Variants in AGAP1 observed in about 807,000 individuals in gnomAD.
AGAP1 encodes arf-GAP with GTPase, ANK repeat and PH domain-containing protein 1.
In AGAP1, 29 loss-of-function variants were observed where a neutral mutation model predicts 105.3. The ratio of observed to expected loss-of-function variants is 0.28; its 90% confidence interval spans 0.21 to 0.38. The LOEUF (loss-of-function observed/expected upper bound fraction) is 0.38, where lower values mean the gene tolerates loss of function less well. Among genes scored for constraint, AGAP1 ranks in the 10% least tolerant of loss-of-function variants. The pLI is 1.00. For missense variants in AGAP1, 998 were observed against 1,165.1 expected (o/e 0.86, Z 2.09); for synonymous variants, 509 against 485.9 (o/e 1.05, Z -0.63).
chr2:236,009,735 C>T lies in AGAP1; in HGVS notation c.1646-26826C>T, dbSNP rs1181716155. On this transcript the variant is annotated intron_variant, in intron 13 of 17. Transcript: ENST00000304032. This position sits in a 1 kb window ranked among gnomAD's most constrained non-coding sequence, Gnocchi z 4.2. ...TCATAATTGATTCTGAGGGCTGCAG[C>T]GTGCCTCATTTAGCCGTCCCTGCTC... 2.0e-5 allele frequency among the ~76,000 whole-genome samples: 3 copies of T among 152,164 alleles called. No homozygotes were observed. Among genetic ancestry groups the T allele is most frequent in the East Asian group, 1.9e-4 (1 of 5,196 alleles).
chr2:236,031,281 T>C (rs1018019274), intron 13 of AGAP1, among the ~76,000 whole-genome samples: 4 of 152,122 alleles, frequency 2.6e-5, no homozygotes, highest in African/African-American at 9.7e-5. Context: ...AAAGGCCACA[T>C]GCAGAGGAAC....
chr2:235,542,220 G>GTC (rs145058571), intron 1 of AGAP1, among the ~76,000 whole-genome samples: 1 of 151,418 alleles, frequency 6.6e-6, no homozygotes, highest in African/African-American at 2.4e-5. Flanking sequence ...TGGGTCCCGG[G>GTC]GGGGGGCCAG....
In AGAP1 at chr2:235,612,686, T is replaced by C. The variant is rs6431390; in HGVS notation, c.164-96493T>C. ...AAATCCTGACCAGCGCATCCAGGGT[T>C]GCTTGGGCACAGTGGTCCTTTTGCA... On this transcript the variant is annotated intron_variant, in intron 1 of 17. Transcript: ENST00000304032. This position sits in a 1 kb window ranked among gnomAD's most constrained non-coding sequence, Gnocchi z 4.3. Among the ~76,000 whole-genome samples the C allele has an allele frequency of 0.89, 135,165 of 152,228 alleles. 60,455 individuals carry two copies. The highest frequency in any genetic ancestry group is 0.97 in the African/African-American group (40,376 of 41,552).
At chr2:235,688,091 G>A (rs909819172) in intron 1 of AGAP1, among the ~76,000 whole-genome samples, 2 of 151,846 alleles carry the variant, frequency 1.3e-5, no homozygotes, top group Non-Finnish European at 2.9e-5. Flanking sequence ...CAGTAGAGAC[G>A]GGGTTTCACC....
At chr2:235,695,279 C>G (rs765719886) in intron 1 of AGAP1, among the ~76,000 whole-genome samples, 3 of 152,170 alleles carry the variant, frequency 2.0e-5, no homozygotes, top group Non-Finnish European at 4.4e-5. Flanking sequence ...CTACTTCTTT[C>G]CATGAGTGCA....
intron 1 of AGAP1, among the ~76,000 whole-genome samples, chr2:235,687,896 TGAC>T (rs1331331236): frequency 8.6e-6 from 1 of 116,424 alleles, no homozygotes; most frequent in East Asian, 2.7e-4. Context: ...CGCCGCTCTC[TGAC>T]TTTTTTTTTT....
intron 1 of AGAP1, among the ~76,000 whole-genome samples, chr2:235,583,958 G>A (rs1403917439): frequency 1.3e-5 from 2 of 151,416 alleles, no homozygotes; most frequent in Admixed American, 6.6e-5. Flanking sequence ...CTCCTGCCTC[G>A]GCCCCCCAGA....
At chr2:235,530,911 C>T (rs768889417) in intron 1 of AGAP1, among the ~76,000 whole-genome samples, 24 of 152,182 alleles carry the variant, frequency 1.6e-4, no homozygotes, top group Non-Finnish European at 1.0e-4. Context: ...ACTCTTCCCT[C>T]ACTGTGGGAG....
intron 6 of AGAP1, among the ~76,000 whole-genome samples, chr2:235,785,706 C>T (rs1258570125): frequency 6.6e-6 from 1 of 152,090 alleles, no homozygotes; most frequent in East Asian, 1.9e-4. Flanking sequence ...ATCAGTCTGG[C>T]ACGCTATCAT....
At chr2:235,915,199 TATTC>T (rs2051814318) in intron 11 of AGAP1, among the ~76,000 whole-genome samples, 1 of 152,140 alleles carries the variant, frequency 6.6e-6, no homozygotes, top group Non-Finnish European at 1.5e-5. Flanking sequence ...CACATGCTCT[TATTC>T]ATAGATAATG....
Position 236,124,323 on chromosome 2 carries a change from C to T in AGAP1, c.*201C>T. 1.6e-6 allele frequency: 1 copy of T among 642,910 alleles called. No individual in the cohort carries two copies. Among genetic ancestry groups the T allele is most frequent in the Non-Finnish European group, 2.7e-6 (1 of 374,312 alleles). The allele number at this position is 642,910 out of a possible 1,614,324, so 39.8% of individuals were successfully genotyped here. A position where few individuals can be genotyped will look rare whatever the true frequency, so the allele number is the denominator to read the frequency against. ...AAGGGGCGAAGAGGCGGCCGGGAGA[C>T]TGCAGAAGTGGCTCCTTTTCATAAA... On this transcript the variant is annotated 3_prime_UTR_variant, in exon 18 of 18. Coordinates refer to ENST00000304032, the MANE Select transcript of AGAP1 (RefSeq NM_001037131.3). This position sits in a 1 kb window ranked among gnomAD's most constrained non-coding sequence, Gnocchi z 5.1.
At position 235,982,767 on chromosome 2, in the gene AGAP1, A is replaced by G. The variant is rs1243705839; in HGVS notation, c.1645+14144A>G. Among the ~76,000 whole-genome samples the G allele has an allele frequency of 2.0e-5, 3 of 152,238 alleles. No homozygotes were observed. Among genetic ancestry groups the G allele is most frequent in the South Asian group, 4.1e-4 (2 of 4,820 alleles). On this transcript the variant is annotated intron_variant, in intron 13 of 17. Transcript: ENST00000304032. The surrounding 1 kb of genome is among the most constrained non-coding windows in gnomAD (Gnocchi z 4.9). ...GTGGTTCCAGAATGTCATTGATGGG[A>G]AATTGGTTTTCTTTCCTTCTGGACA...
Position 236,040,717 on chromosome 2 carries a change from T to C in AGAP1, c.1801-34T>C, listed in dbSNP as rs1559217268. ...TGATGTGCGTTTCTCCCGGGGTGCT[T>C]ACGCCTTGTATTTGTGTCTTCCTCC... On this transcript the variant is annotated intron_variant, in intron 14 of 17. Transcript: ENST00000304032. The surrounding 1 kb of genome is among the most constrained non-coding windows in gnomAD (Gnocchi z 5.6). 1 of 1,609,548 alleles carries C rather than the reference T, an allele frequency of 6.2e-7. No homozygotes were observed. Among genetic ancestry groups the C allele is most frequent in the Admixed American group, 1.7e-5 (1 of 59,984 alleles).
In AGAP1 at chr2:235,759,375, T is replaced by C. The variant is rs574530754; in HGVS notation, c.673+8887T>C. Among the ~76,000 whole-genome samples the C allele has an allele frequency of 4.4e-3, 657 of 150,914 alleles. 5 individuals are homozygous for C. The highest frequency in any genetic ancestry group is 0.015 in the African/African-American group (611 of 41,150). On this transcript the variant is annotated intron_variant, in intron 6 of 17. Coordinates refer to ENST00000304032, the MANE Select transcript of AGAP1 (RefSeq NM_001037131.3). ...TAGTAGAGACGGGCTTTCACCGTGT[T>C]AGCCAGGATGGTCTTGATCTCCTGA...
chr2:235,959,177 G>C lies in AGAP1; in HGVS notation c.1484-9285G>C, dbSNP rs1246917273. ...ATACTTAACGCCGTCGACAGTAGTC[G>C]TCTGTCCCGGTGCCCGGTAATTGAT... On this transcript the variant is annotated intron_variant, in intron 12 of 17. Coordinates refer to ENST00000304032, the MANE Select transcript of AGAP1 (RefSeq NM_001037131.3). The surrounding 1 kb of genome is among the most constrained non-coding windows in gnomAD (Gnocchi z 7.3). Among the ~76,000 whole-genome samples, 1 of 152,156 alleles carries C rather than the reference G, an allele frequency of 6.6e-6. No individual in the cohort carries two copies. Among genetic ancestry groups the C allele is most frequent in the Non-Finnish European group, 1.5e-5 (1 of 68,038 alleles).
At chr2:235,588,607 A>G (rs1945212963) in intron 1 of AGAP1, among the ~76,000 whole-genome samples, 1 of 152,210 alleles carries the variant, frequency 6.6e-6, no homozygotes. Context: ...TTTTTAAGAA[A>G]TTATACCATA....
chr2:235,591,377 T>C (rs571827309), intron 1 of AGAP1, among the ~76,000 whole-genome samples: 1 of 151,554 alleles, frequency 6.6e-6, no homozygotes, highest in Non-Finnish European at 1.5e-5. Flanking sequence ...GGGAGTGGAG[T>C]GGGAAGCAAT....
chr2:235,772,109 C>T lies in AGAP1; in HGVS notation c.673+21621C>T, dbSNP rs972614931. On this transcript the variant is annotated intron_variant, in intron 6 of 17. Coordinates refer to ENST00000304032, the MANE Select transcript of AGAP1 (RefSeq NM_001037131.3). ...CTCCGAGTTCAAGTGATTCTCTTGC[C>T]TCAGCCTCCCAAGTAGCTGAGATTA... is the stretch of plus-strand genomic sequence containing the variant. Among the ~76,000 whole-genome samples, 4 of 151,242 alleles carry T rather than the reference C, an allele frequency of 2.6e-5. No individual in the cohort carries two copies. The Admixed American group carries it at 2.7e-4, about 10-fold the overall frequency.
chr2:235,545,487 C>T (rs1033936945), intron 1 of AGAP1, among the ~76,000 whole-genome samples: 2 of 152,138 alleles, frequency 1.3e-5, no homozygotes, highest in African/African-American at 4.8e-5. Context: ...CTTGCACCTG[C>T]GGGGGAAGTA....
Sources: gnomAD v4.1 joint callset for allele counts (sites outside exome capture counted in the v4.1 genomes callset) on GRCh38, gnomAD v4.1.1 for gene constraint, Gnocchi (gnomAD v3.1) non-coding constraint, MANE v1.5 for transcripts, NCBI Gene and HGNC (gene_info 2026-07-23, HGNC 2026-07-21) for gene names.